NEGR1: variants seen among roughly 807,000 people sequenced by gnomAD.
The protein encoded by NEGR1 is neuronal growth regulator 1.
NEGR1 carries 10 observed loss-of-function variants against 40.9 expected under a neutral mutation model. The ratio of observed to expected loss-of-function variants is 0.24; its 90% CI spans 0.15 to 0.42. The LOEUF (loss-of-function observed/expected upper bound fraction) is 0.42, where lower values mean the gene tolerates loss of function less well. NEGR1 is among the 10% of genes least tolerant of loss of function. The pLI, the probability that NEGR1 is intolerant of heterozygous loss-of-function variation, is 1.00. For synonymous variants in NEGR1, 185 were observed against 166.8 expected, an observed-to-expected ratio of 1.11 and a Z score of -0.84; for missense variants, 352 against 438.9, an observed-to-expected ratio of 0.80 and a Z score of 1.77.
chr1:71,654,519 A>G (rs1570156746), intron 4 of NEGR1, among the ~76,000 whole-genome samples: 2 of 152,300 alleles, frequency 1.3e-5, no homozygotes, highest in Admixed American at 1.3e-4. Flanking sequence ...AATATGTTCA[A>G]AATAAATAAA....
intron 2 of NEGR1, among the ~76,000 whole-genome samples, chr1:71,923,008 G>C (rs904441058): frequency 5.3e-5 from 8 of 152,086 alleles, no homozygotes; most frequent in Non-Finnish European, 1.2e-4. Flanking sequence ...AAACAGACCA[G>C]AGAGAAAAAA....
At chr1:71,504,235 G>T (rs558539080) in intron 6 of NEGR1, among the ~76,000 whole-genome samples, 1 of 152,062 alleles carries the variant, frequency 6.6e-6, no homozygotes, top group Admixed American at 6.5e-5. Flanking sequence ...TACAAAAAAA[G>T]ATTGATGGAT....
chr1:72,017,936 C>G (rs1490797624), intron 1 of NEGR1, among the ~76,000 whole-genome samples: 2 of 151,998 alleles, frequency 1.3e-5, no homozygotes, highest in Non-Finnish European at 2.9e-5. Flanking sequence ...CAAAATTATA[C>G]TCATCTAGAG....
At chr1:71,438,588 A>G (rs1646525896) in intron 6 of NEGR1, among the ~76,000 whole-genome samples, 1 of 152,214 alleles carries the variant, frequency 6.6e-6, no homozygotes, top group Admixed American at 6.5e-5. Flanking sequence ...TTTTAGGTCG[A>G]AAAAGCACTT....
intron 2 of NEGR1, among the ~76,000 whole-genome samples, chr1:71,894,923 T>A (rs906531872): frequency 1.4e-5 from 2 of 140,784 alleles, no homozygotes; most frequent in Non-Finnish European, 3.1e-5. Flanking sequence ...CATCTCCAAA[T>A]TTTTTTTTTT....
intron 4 of NEGR1, among the ~76,000 whole-genome samples, chr1:71,629,997 A>G (rs2781160): frequency 0.43 from 64,714 of 151,624 alleles, 14,005 homozygotes; most frequent in East Asian, 0.67. Flanking sequence ...TAATGAAAAG[A>G]CTATGGAAAT....
intron 1 of NEGR1, among the ~76,000 whole-genome samples, chr1:72,134,506 T>G (rs1385822371): frequency 6.6e-6 from 1 of 151,318 alleles, no homozygotes; most frequent in Non-Finnish European, 1.5e-5. Context: ...ACCTGGCTAT[T>G]TTTTGGGGAA....
intron 6 of NEGR1, among the ~76,000 whole-genome samples, chr1:71,527,277 A>G (rs2101438679): frequency 6.6e-6 from 1 of 151,526 alleles, no homozygotes; most frequent in South Asian, 2.1e-4. Context: ...ACTGACAGAA[A>G]CCACAGAAGG....
At chr1:71,412,350 G>C (rs1425569613) in intron 6 of NEGR1, among the ~76,000 whole-genome samples, 2 of 152,030 alleles carry the variant, frequency 1.3e-5, no homozygotes, top group African/African-American at 4.8e-5. Context: ...AAAAATACCA[G>C]TTTTTCCATG....
rs144687665 is a variant in NEGR1 at position 72,065,152 on chromosome 1, GC to G, written c.177-129842del. On this transcript the variant is annotated intron_variant, in intron 1 of 6. Transcript: ENST00000357731. ...ATACAAATAAGTGTAATCATACAAG[GC>G]CATAAACAACTTTTCATTTTTTTAC... Among the ~76,000 whole-genome samples, 881 of 151,986 alleles carry G rather than the reference GC, an allele frequency of 5.8e-3. 5 individuals carry two copies. Among genetic ancestry groups the G allele is most frequent in the African/African-American group, 0.02 (841 of 41,464 alleles).
chr1:71,986,094 T>G (rs1264393512), intron 1 of NEGR1, among the ~76,000 whole-genome samples: 2 of 152,340 alleles, frequency 1.3e-5, no homozygotes, highest in East Asian at 3.9e-4. Context: ...TGTTTCCCAA[T>G]CTCATCTGGA....
chr1:72,246,679 C>G (rs772069751), intron 1 of NEGR1, among the ~76,000 whole-genome samples: 7 of 152,182 alleles, frequency 4.6e-5, no homozygotes, highest in Non-Finnish European at 1.0e-4. Context: ...GATGGCTCTA[C>G]AATTCTGCAA....
intron 4 of NEGR1, among the ~76,000 whole-genome samples, chr1:71,695,510 A>AATTTT (rs1466451436): frequency 1.3e-5 from 2 of 151,764 alleles, no homozygotes; most frequent in Non-Finnish European, 3.0e-5. Flanking sequence ...ACTGTTTTAA[A>AATTTT]ATTTTCTCCC....
chr1:71,673,634 A>C (rs1240264555), intron 4 of NEGR1, among the ~76,000 whole-genome samples: 1 of 152,162 alleles, frequency 6.6e-6, no homozygotes, highest in Non-Finnish European at 1.5e-5. Flanking sequence ...AGTAAAGTAT[A>C]CCAAAAATTC....
intron 4 of NEGR1, among the ~76,000 whole-genome samples, chr1:71,671,621 A>T (rs1028783458): frequency 6.6e-6 from 1 of 152,114 alleles, no homozygotes; most frequent in Admixed American, 6.5e-5. Flanking sequence ...TCTCAACTCC[A>T]TCTTGGTCAG....
intron 1 of NEGR1, among the ~76,000 whole-genome samples, chr1:72,024,600 T>C (rs1557488897): frequency 6.6e-6 from 1 of 152,220 alleles, no homozygotes; most frequent in Non-Finnish European, 1.5e-5. Context: ...AATGCTTTTC[T>C]GCTAAGCTCT....
intron 1 of NEGR1, among the ~76,000 whole-genome samples, chr1:71,982,103 A>T (rs1439876932): frequency 6.6e-6 from 1 of 152,204 alleles, no homozygotes; most frequent in Non-Finnish European, 1.5e-5. Context: ...AGGGAATAAG[A>T]ATGTCAAGAT....
At chr1:72,092,850 C>T (rs1648550649) in intron 1 of NEGR1, among the ~76,000 whole-genome samples, 1 of 152,068 alleles carries the variant, frequency 6.6e-6, no homozygotes. Context: ...ATAGGTTTCA[C>T]CATTGTGCCC....
intron 6 of NEGR1, among the ~76,000 whole-genome samples, chr1:71,547,230 C>G (rs1000118940): frequency 1.3e-5 from 2 of 151,658 alleles, no homozygotes; most frequent in Non-Finnish European, 3.0e-5. Context: ...TCTTTGAATC[C>G]GATTTTACTG....
Sources: allele counts gnomAD v4.1 joint callset (sites outside exome capture counted in the v4.1 genomes callset), GRCh38; gene constraint gnomAD v4.1.1; transcripts MANE v1.5; gene names NCBI Gene and HGNC (gene_info 2026-07-23, HGNC 2026-07-21).